CLIC5: variants seen among roughly 807,000 people sequenced by gnomAD.
The protein encoded by CLIC5 is chloride intracellular channel protein 5.
Under a neutral mutation model 24.7 loss-of-function variants are expected in CLIC5, and 20 were observed. The ratio of observed to expected loss-of-function variants is 0.81; its 90% CI spans 0.57 to 1.18. The LOEUF (loss-of-function observed/expected upper bound fraction) is 1.18. CLIC5 is among the 50% of genes most tolerant of loss of function. CLIC5 has a pLI of 0.00. For missense variants in CLIC5, 341 were observed against 326.1 expected (o/e 1.05, Z -0.35); for synonymous variants, 159 against 135.6 (o/e 1.17, Z -1.20).
At chr6:46,105,012 T>C in the CLIC5 span, among the ~76,000 whole-genome samples, 4 of 152,148 alleles carry the variant, frequency 2.6e-5, no homozygotes, top group Non-Finnish European at 4.4e-5. Context: ...TTTTGGCTTT[T>C]GGGAGTAGGC....
At chr6:46,129,590 T>C in the CLIC5 span, 3 of 152,262 alleles carry the variant, frequency 2.0e-5, no homozygotes, top group Non-Finnish European at 4.4e-5. Flanking sequence ...CCCAACTCAC[T>C]GGAACTGGCT....
intron 1 of CLIC5, among the ~76,000 whole-genome samples, chr6:45,964,371 T>G (rs894523114): frequency 6.6e-6 from 1 of 152,184 alleles, no homozygotes; most frequent in African/African-American, 2.4e-5. Flanking sequence ...CAGCCCCAGC[T>G]AGAGGTGGAG....
chr6:46,080,143 C>G (rs1204103049), exon 1 of CLIC5: 1 of 1,551,542 alleles, frequency 6.4e-7, no homozygotes, highest in Admixed American at 2.0e-5. Flanking sequence ...TGGACATCAT[C>G]ATAATGGGGA....
the CLIC5 span, among the ~76,000 whole-genome samples, chr6:46,086,344 G>A: frequency 2.0e-5 from 3 of 152,244 alleles, no homozygotes; most frequent in Admixed American, 6.5e-5. Flanking sequence ...CGTCACTCAC[G>A]CTGGGAGCTG....
At chr6:45,975,498 T>G (rs1269166512) in intron 1 of CLIC5, among the ~76,000 whole-genome samples, 1 of 152,206 alleles carries the variant, frequency 6.6e-6, no homozygotes. Flanking sequence ...CATGTATAGA[T>G]GGCATCCTCA....
At chr6:45,951,925 G>A (rs1200339272) in intron 2 of CLIC5, among the ~76,000 whole-genome samples, 1 of 152,152 alleles carries the variant, frequency 6.6e-6, no homozygotes, top group African/African-American at 2.4e-5. Flanking sequence ...GAGGCACTTG[G>A]AACTCAGACA....
At chr6:45,912,592 A>G in intron 5 of CLIC5, 1 of 1,450,388 alleles carries the variant, frequency 6.9e-7, no homozygotes, top group Non-Finnish European at 9.2e-7. Flanking sequence ...ATGAATTCCA[A>G]AAAGATTAAA....
chr6:46,054,747 C>A (rs897225639), intron 1 of CLIC5, among the ~76,000 whole-genome samples: 4 of 152,208 alleles, frequency 2.6e-5, no homozygotes, highest in African/African-American at 9.7e-5. Flanking sequence ...CTTTCATTTC[C>A]ATGTGGAGAT....
chr6:45,900,535 A>C lies in CLIC5; in HGVS notation c.*2553T>G, dbSNP rs1762484744. 6.6e-6 allele frequency: 1 copy of C among 151,986 alleles called. No individual in the cohort carries two copies. The highest frequency in any genetic ancestry group is 1.9e-4 in the East Asian group (1 of 5,184). The allele number at this position is 151,986 out of a possible 1,614,324, so 9.4% of individuals were successfully genotyped here. On this transcript the variant is annotated 3_prime_UTR_variant, in exon 6 of 6. Transcript: ENST00000339561. Reference sequence around the variant, plus strand: ...GGAGAAAGATCTCTTTTGAAACAAAAAAAAAAAGGAAGGTAATATTAATAT... The same window carrying C: ...GGAGAAAGATCTCTTTTGAAACAAACAAAAAAAGGAAGGTAATATTAATAT...
chr6:45,905,748 T>C (rs539639655), intron 5 of CLIC5, among the ~76,000 whole-genome samples: 7 of 152,248 alleles, frequency 4.6e-5, no homozygotes, highest in African/African-American at 1.7e-4. Context: ...ACTTGTCAAT[T>C]TTTATTTTTG....
At chr6:45,963,213 A>G (rs1214362810) in intron 1 of CLIC5, among the ~76,000 whole-genome samples, 1 of 151,562 alleles carries the variant, frequency 6.6e-6, no homozygotes, top group Non-Finnish European at 1.5e-5. Context: ...CCTACCTGAT[A>G]TTCGTCTTAT....
Position 45,914,259 on chromosome 6 carries a change from C to A in CLIC5, c.557G>T (p.Cys186Phe). 6.2e-7 allele frequency: 1 copy of A among 1,604,266 alleles called. No individual in the cohort carries two copies. The highest frequency in any genetic ancestry group is 1.7e-5 in the Admixed American group (1 of 59,592). ...LDGDELTLADCNLLPKLHVVK... is the reference protein window; with the variant it reads ...LDGDELTLADFNLLPKLHVVK... ...CACATGGAGCTTGGGCAACAGATTG[C>A]AGTCAGCCAGGGTCAGCTCATCCCC... The change falls in exon 5 of 6, where the codon TGC becomes TTC. Residue 186 changes from cysteine to phenylalanine, a missense_variant. Cys to Phe is a radical substitution (Grantham distance 205). Coordinates refer to ENST00000339561, the MANE Select transcript of CLIC5 (RefSeq NM_016929.5).
chr6:45,987,737 G>C (rs1765792416), intron 1 of CLIC5, among the ~76,000 whole-genome samples: 1 of 152,280 alleles, frequency 6.6e-6, no homozygotes, highest in Non-Finnish European at 1.5e-5. Flanking sequence ...GAGAAGGAGA[G>C]GGAGAGAGAG....
Position 45,914,309 on chromosome 6 carries a change from C to T in CLIC5, c.507G>A (p.Lys169=). 1.9e-6 allele frequency: 3 copies of T among 1,607,084 alleles called. No homozygotes were observed. The highest frequency in any genetic ancestry group is 2.2e-5 in the South Asian group (2 of 89,942). The change falls in exon 5 of 6, where the codon AAG becomes AAA. Residue 169 remains lysine, a synonymous_variant. Transcript: ENST00000339561. ...CATCCAGGAACTTGCGCCGGGACCCCTTGTCTTCCCCACAAGTGTTGGCGT... is the reference window on the plus strand; with the variant it reads ...CATCCAGGAACTTGCGCCGGGACCCTTTGTCTTCCCCACAAGTGTTGGCGT... The part of the protein sequence containing the change: ...EIDANTCGED[K]GSRRKFLDGD...
intron 1 of CLIC5, among the ~76,000 whole-genome samples, chr6:46,002,164 T>A (rs1766386670): frequency 6.6e-6 from 1 of 152,224 alleles, no homozygotes; most frequent in Non-Finnish European, 1.5e-5. Context: ...TCCATCAAAT[T>A]CCATGGACGA....
chr6:46,066,697 A>C (rs946224), intron 1 of CLIC5, among the ~76,000 whole-genome samples: 57,686 of 151,992 alleles, frequency 0.38, 11,212 homozygotes, highest in East Asian at 0.63. Flanking sequence ...ACTGGGGGAG[A>C]TACACACTTA....
chr6:46,006,071 T>C (rs1246294186), intron 1 of CLIC5, among the ~76,000 whole-genome samples: 1 of 121,982 alleles, frequency 8.2e-6, no homozygotes, highest in Admixed American at 8.3e-5. Context: ...TGTATAAATA[T>C]ATATATACAC....
the CLIC5 span, among the ~76,000 whole-genome samples, chr6:46,119,575 G>A: frequency 8.7e-4 from 132 of 152,318 alleles, no homozygotes; most frequent in African/African-American, 2.9e-3. Flanking sequence ...GAGGCTTGTC[G>A]GACAGTGGGT....
the CLIC5 span, among the ~76,000 whole-genome samples, chr6:46,127,210 T>C: frequency 2.6e-5 from 4 of 152,200 alleles, no homozygotes; most frequent in African/African-American, 9.6e-5. Context: ...ACCTCGAGTA[T>C]TTATCATTTC....
Sources: allele counts gnomAD v4.1 joint callset (sites outside exome capture counted in the v4.1 genomes callset), GRCh38; gene constraint gnomAD v4.1.1; transcripts MANE v1.5; gene names NCBI Gene and HGNC (gene_info 2026-07-23, HGNC 2026-07-21).